The following PLCG2 variants were observed in gnomAD, a reference collection of about 807,000 sequenced individuals.
PLCG2 encodes 1-phosphatidylinositol 4,5-bisphosphate phosphodiesterase gamma-2.
Under a neutral mutation model 175.6 loss-of-function variants are expected in PLCG2, and 69 were observed. The observed-to-expected ratio is 0.39, with a 90% CI of 0.32 to 0.48. The LOEUF (loss-of-function observed/expected upper bound fraction) is 0.48, where lower values mean the gene tolerates loss of function less well. Among genes scored for constraint, PLCG2 ranks in the 20% least tolerant of loss-of-function variants. The probability of loss-of-function intolerance (pLI) is 0.91; values close to 1 mark genes in which losing one functional copy is unlikely to be tolerated. For missense variants in PLCG2, 1,798 were observed against 1,650.9 expected, an observed-to-expected ratio of 1.09 and a Z score of -1.54; for synonymous variants, 827 against 624.0, an observed-to-expected ratio of 1.33 and a Z score of -4.85.
intron 2 of PLCG2, among the ~76,000 whole-genome samples, chr16:81,823,436 G>A (rs561192103): frequency 6.6e-6 from 1 of 152,188 alleles, no homozygotes; most frequent in Non-Finnish European, 1.5e-5. Flanking sequence ...AAGATTGAGT[G>A]GGGGTAGGGG....
chr16:81,864,332 C>G (rs910712783), intron 5 of PLCG2, among the ~76,000 whole-genome samples: 2 of 152,170 alleles, frequency 1.3e-5, no homozygotes, highest in African/African-American at 2.4e-5. Flanking sequence ...GCCATTTCAA[C>G]AAAACAAAAC....
rs751544016 is a variant in PLCG2 at position 81,946,253 on chromosome 16, G to A, written c.3560G>A (p.Arg1187Gln). Residue 1187 changes from arginine to glutamine, a missense_variant, in exon 31 of 33, where the codon CGG becomes CAG. By Grantham distance (43) the Arg-to-Gln change is conservative (BLOSUM62 1). Transcript: ENST00000564138. Reference sequence around the variant, plus strand: ...TCCCTCCTGGTTTTCTGTGAGATGCGGCCAGTCCTGGTGAGTGGAGAAACA... The same window carrying A: ...TCCCTCCTGGTTTTCTGTGAGATGCAGCCAGTCCTGGTGAGTGGAGAAACA... Reference protein sequence around the residue: ...LASLLVFCEMRPVLESEEELY... With the variant: ...LASLLVFCEMQPVLESEEELY... The A allele has an allele frequency of 1.2e-5, 20 of 1,612,782 alleles. No individual in the cohort carries two copies. The highest frequency in any genetic ancestry group is 2.2e-5 in the East Asian group (1 of 44,872).
intron 2 of PLCG2, among the ~76,000 whole-genome samples, chr16:81,820,269 G>T (rs1239468333): frequency 6.6e-6 from 1 of 152,108 alleles, no homozygotes; most frequent in Non-Finnish European, 1.5e-5. Context: ...ACCTTCCATC[G>T]CAGGAGAGAG....
intron 5 of PLCG2, among the ~76,000 whole-genome samples, chr16:81,867,477 C>G (rs1351507032): frequency 1.3e-5 from 2 of 152,296 alleles, no homozygotes; most frequent in South Asian, 4.1e-4. Flanking sequence ...AGGTACCAAA[C>G]TGATCGGTGC....
chr16:81,948,826 C>T (rs894564201), intron 31 of PLCG2, among the ~76,000 whole-genome samples: 3 of 152,142 alleles, frequency 2.0e-5, no homozygotes, highest in South Asian at 2.1e-4. Flanking sequence ...CTACTGAACA[C>T]ACAAAACCAT....
At chr16:81,835,875 C>T (rs1426666131) in intron 2 of PLCG2, among the ~76,000 whole-genome samples, 1 of 152,046 alleles carries the variant, frequency 6.6e-6, no homozygotes, top group Non-Finnish European at 1.5e-5. Context: ...TGGATATTGG[C>T]ACTCCCATCT....
At chr16:81,760,741 T>G in intron 2 of PLCG2, among the ~76,000 whole-genome samples, 2 of 94,216 alleles carry the variant, frequency 2.1e-5, no homozygotes, top group South Asian at 4.2e-4. Flanking sequence ...TGAGACCCCG[T>G]CTCTATTAAA....
intron 2 of PLCG2, among the ~76,000 whole-genome samples, chr16:81,814,750 A>T (rs1904464578): frequency 6.6e-6 from 1 of 152,212 alleles, no homozygotes; most frequent in South Asian, 2.1e-4. Context: ...AATGGAGAGC[A>T]AGGACCCAAG....
At position 81,893,737 on chromosome 16, in the gene PLCG2, G is replaced by A; in HGVS notation, c.1015G>A (p.Glu339Lys). ...TYLTGDQLRS[E>K]SSPEAYIRCL... ...CCTTACAGGTGACCAGCTGCGGAGC[G>A]AGTCGTCCCCAGAAGCTTACATCCG... The change falls in exon 12 of 33, where the codon GAG becomes AAG. Residue 339 changes from glutamate to lysine, a missense_variant. Coordinates refer to ENST00000564138, the MANE Select transcript of PLCG2 (RefSeq NM_002661.5). 1.9e-6 allele frequency: 3 copies of A among 1,612,330 alleles called. No individual in the cohort carries two copies. The highest frequency in any genetic ancestry group is 1.7e-6 in the Non-Finnish European group (2 of 1,179,308).
chr16:81,765,697 C>G (rs1449251383), intron 2 of PLCG2, among the ~76,000 whole-genome samples: 2 of 70,600 alleles, frequency 2.8e-5, no homozygotes, highest in East Asian at 3.6e-4. Context: ...CTTTTAGCCA[C>G]CACATCAGCG....
intron 1 of PLCG2, among the ~76,000 whole-genome samples, chr16:81,746,019 C>T (rs1225725051): frequency 6.6e-6 from 1 of 152,182 alleles, no homozygotes; most frequent in Admixed American, 6.6e-5. Context: ...AACAAGGGTG[C>T]ACTTCTGGGG....
At chr16:81,866,319 G>A (rs1355191782) in intron 5 of PLCG2, among the ~76,000 whole-genome samples, 1 of 141,526 alleles carries the variant, frequency 7.1e-6, no homozygotes, top group Non-Finnish European at 1.5e-5. Context: ...GCTCCACTGG[G>A]GCACCAGCAT....
intron 2 of PLCG2, among the ~76,000 whole-genome samples, chr16:81,832,104 G>GC (rs1905283717): frequency 1.3e-5 from 2 of 151,190 alleles, no homozygotes; most frequent in African/African-American, 4.9e-5. Context: ...TTGATAAATG[G>GC]AGGGGGGGAA....
rs116798351 is a variant in PLCG2 at position 81,807,261 on chromosome 16, C to A, written c.193+21079C>A. 7.4e-3 allele frequency among the ~76,000 whole-genome samples: 1,131 copies of A among 152,162 alleles called. 15 individuals are homozygous for A. The highest frequency in any genetic ancestry group is 0.025 in the African/African-American group (1,020 of 41,510). ...AGGAGAGGGAGGTCAGCTCTGGGAC[C>A]CAAGAAAGGGCAGGGTGCCTTGGTA... On this transcript the variant is annotated intron_variant, in intron 2 of 32. Transcript: ENST00000564138.
chr16:81,813,735 C>T (rs1904418476), intron 2 of PLCG2, among the ~76,000 whole-genome samples: 1 of 151,210 alleles, frequency 6.6e-6, no homozygotes, highest in Non-Finnish European at 1.5e-5. Context: ...AGGCAGCTTT[C>T]TGGGCCACCA....
intron 30 of PLCG2, among the ~76,000 whole-genome samples, chr16:81,944,041 A>G (rs1911057895): frequency 6.6e-6 from 1 of 152,234 alleles, no homozygotes; most frequent in African/African-American, 2.4e-5. Context: ...CAGTAAGATG[A>G]TGAGCATCCA....
At chr16:81,947,778 G>C (rs1337797453) in intron 31 of PLCG2, among the ~76,000 whole-genome samples, 1 of 152,176 alleles carries the variant, frequency 6.6e-6, no homozygotes, top group Non-Finnish European at 1.5e-5. Flanking sequence ...AGTTTATAAA[G>C]AGTATTTTTA....
At chr16:81,883,713 C>T (rs953663492) in intron 9 of PLCG2, 2 of 290,060 alleles carry the variant, frequency 6.9e-6, no homozygotes, top group African/African-American at 4.4e-5. Flanking sequence ...CCTGGGAAGC[C>T]TTCCTTGACT....
chr16:81,795,466 T>A (rs1017223044), intron 2 of PLCG2, among the ~76,000 whole-genome samples: 2 of 152,182 alleles, frequency 1.3e-5, no homozygotes, highest in African/African-American at 4.8e-5. Flanking sequence ...TATTTCTTCC[T>A]GTAAGTTTAT....
Sources: gnomAD v4.1 joint callset for allele counts (sites outside exome capture counted in the v4.1 genomes callset) on GRCh38, gnomAD v4.1.1 for gene constraint, MANE v1.5 for transcripts, NCBI Gene and HGNC (gene_info 2026-07-23, HGNC 2026-07-21) for gene names.